Variants in HMBOX1 observed in about 807,000 individuals in gnomAD.
HMBOX1 encodes homeobox-containing protein 1.
A neutral mutation model predicts 54.5 loss-of-function variants in HMBOX1; 14 were observed. The observed-to-expected ratio is 0.26, with a 90% CI of 0.17 to 0.40. The LOEUF (loss-of-function observed/expected upper bound fraction) is 0.40. HMBOX1 is among the 10% of genes least tolerant of loss of function. HMBOX1 has a pLI of 1.00. For synonymous variants in HMBOX1, 160 were observed against 181.0 expected, an observed-to-expected ratio of 0.88 and a Z score of 0.93; for missense variants, 332 against 514.4, an observed-to-expected ratio of 0.65 and a Z score of 3.43.
intron 1 of HMBOX1, among the ~76,000 whole-genome samples, chr8:28,926,536 A>G (rs1476461033): frequency 6.6e-6 from 1 of 152,172 alleles, no homozygotes; most frequent in Non-Finnish European, 1.5e-5. Flanking sequence ...AGTAAACTTT[A>G]TAAAGTAGAG....
At chr8:28,967,690 C>T (rs1287443927) in intron 2 of HMBOX1, among the ~76,000 whole-genome samples, 1 of 152,096 alleles carries the variant, frequency 6.6e-6, no homozygotes. Flanking sequence ...AACAGGTCTA[C>T]TTCATTTTCA....
chr8:28,980,773 G>A (rs1039064465), intron 4 of HMBOX1, among the ~76,000 whole-genome samples: 3 of 151,846 alleles, frequency 2.0e-5, no homozygotes, highest in African/African-American at 7.3e-5. Flanking sequence ...TCTTTTCCTT[G>A]TTAATGTGTG....
intron 1 of HMBOX1, among the ~76,000 whole-genome samples, chr8:28,949,417 A>G (rs1273182791): frequency 6.6e-6 from 1 of 152,222 alleles, no homozygotes; most frequent in Non-Finnish European, 1.5e-5. Context: ...GAGAACACAT[A>G]TTATTTACCC....
intron 8 of HMBOX1, among the ~76,000 whole-genome samples, chr8:29,048,240 T>C (rs186032484): frequency 6.6e-6 from 1 of 152,320 alleles, no homozygotes; most frequent in African/African-American, 2.4e-5. Flanking sequence ...TATGGATTCT[T>C]GATGTAATCA....
chr8:29,041,826 G>T (rs924097073), intron 6 of HMBOX1, among the ~76,000 whole-genome samples: 11 of 151,978 alleles, frequency 7.2e-5, no homozygotes, highest in South Asian at 6.3e-4. Flanking sequence ...TTTGCGGGGG[G>T]ACTTTGAACA....
intron 1 of HMBOX1, among the ~76,000 whole-genome samples, chr8:28,950,623 C>T (rs1446993673): frequency 6.6e-6 from 1 of 152,098 alleles, no homozygotes; most frequent in African/African-American, 2.4e-5. Flanking sequence ...ACAGTGAAGC[C>T]ACAGGGGAAG....
At chr8:28,914,348 T>C (rs778153762) in intron 1 of HMBOX1, among the ~76,000 whole-genome samples, 14 of 152,218 alleles carry the variant, frequency 9.2e-5, no homozygotes, top group Non-Finnish European at 1.9e-4. Context: ...GTAAAATCTG[T>C]ATTTAGGAAC....
intron 4 of HMBOX1, among the ~76,000 whole-genome samples, chr8:28,999,183 A>G (rs1290937815): frequency 6.6e-6 from 1 of 151,944 alleles, no homozygotes; most frequent in Admixed American, 6.6e-5. Context: ...CTGAGAGCAT[A>G]TTTTCTGTAA....
chr8:29,004,670 A>G (rs75484696), intron 4 of HMBOX1, among the ~76,000 whole-genome samples: 1 of 152,212 alleles, frequency 6.6e-6, no homozygotes, highest in Non-Finnish European at 1.5e-5. Flanking sequence ...TGTGAAGGTT[A>G]TATGTAAATT....
At chr8:29,049,160 G>T in intron 9 of HMBOX1, 112 bp downstream of exon 9, 1 of 1,467,030 alleles carries the variant, frequency 6.8e-7, no homozygotes, top group South Asian at 1.2e-5. Flanking sequence ...AACAGTCACT[G>T]TCCCTCCACT....
chr8:29,036,282 G>A (rs552840232), intron 6 of HMBOX1, among the ~76,000 whole-genome samples: 3 of 152,260 alleles, frequency 2.0e-5, no homozygotes, highest in East Asian at 3.9e-4. Flanking sequence ...TTATTCTCAT[G>A]TATGGATTTT....
intron 4 of HMBOX1, among the ~76,000 whole-genome samples, chr8:28,986,105 G>T (rs1830125158): frequency 6.6e-6 from 1 of 152,066 alleles, no homozygotes; most frequent in Non-Finnish European, 1.5e-5. Context: ...CTCAACTCCT[G>T]GCAACCTTTT....
intron 4 of HMBOX1, among the ~76,000 whole-genome samples, chr8:28,987,857 C>T (rs746746783): frequency 6.6e-6 from 1 of 152,148 alleles, no homozygotes; most frequent in Non-Finnish European, 1.5e-5. Context: ...TCAACTTCAG[C>T]TAAATTTAAC....
At chr8:28,912,790 A>G (rs1352423128) in intron 1 of HMBOX1, among the ~76,000 whole-genome samples, 1 of 152,128 alleles carries the variant, frequency 6.6e-6, no homozygotes, top group Non-Finnish European at 1.5e-5. Flanking sequence ...TTTACCACTT[A>G]CAGACTAGCC....
At chr8:29,026,616 C>T (rs1205949809) in intron 6 of HMBOX1, among the ~76,000 whole-genome samples, 3 of 152,108 alleles carry the variant, frequency 2.0e-5, no homozygotes, top group Non-Finnish European at 2.9e-5. Context: ...TCACTGCAGG[C>T]CTGGTTTTTC....
intron 6 of HMBOX1, among the ~76,000 whole-genome samples, chr8:29,033,093 C>G (rs1291398425): frequency 6.6e-6 from 1 of 151,884 alleles, no homozygotes; most frequent in Non-Finnish European, 1.5e-5. Flanking sequence ...TGATGTTTGT[C>G]CTGGCCTATA....
At chr8:28,978,783 T>C (rs1828860098) in intron 3 of HMBOX1, among the ~76,000 whole-genome samples, 2 of 62,776 alleles carry the variant, frequency 3.2e-5, no homozygotes, top group Admixed American at 5.2e-4. Flanking sequence ...TGAGACTCCG[T>C]CTCAAAAAAA....
intron 1 of HMBOX1, among the ~76,000 whole-genome samples, chr8:28,939,634 C>T (rs1449999403): frequency 4.0e-5 from 6 of 151,342 alleles, no homozygotes. Context: ...CTCAGCCTCC[C>T]GATTAGCTGG....
At chr8:28,962,296 A>G (rs1825745227) in intron 1 of HMBOX1, among the ~76,000 whole-genome samples, 1 of 152,210 alleles carries the variant, frequency 6.6e-6, no homozygotes, top group Non-Finnish European at 1.5e-5. Flanking sequence ...TATAACTGAC[A>G]TAATTCAGTG....
Sources: gnomAD v4.1 joint callset for allele counts (sites outside exome capture counted in the v4.1 genomes callset) on GRCh38, gnomAD v4.1.1 for gene constraint, MANE v1.5 for transcripts, NCBI Gene and HGNC (gene_info 2026-07-23, HGNC 2026-07-21) for gene names.